Variants in VWA8 observed in about 807,000 individuals in gnomAD.
VWA8 encodes von Willebrand factor A domain containing 8.
Under a neutral mutation model 241.5 loss-of-function variants are expected in VWA8, and 221 were observed. That is an observed-to-expected ratio of 0.91 (90% CI 0.82 to 1.02). The LOEUF (loss-of-function observed/expected upper bound fraction) is 1.02, where lower values mean the gene tolerates loss of function less well. VWA8 is among the 50% of genes least tolerant of loss of function. The pLI is 0.00. For missense variants in VWA8, 2,322 were observed against 2,328.7 expected (o/e 1.00, Z 0.06); for synonymous variants, 852 against 827.1 (o/e 1.03, Z -0.52).
intron 41 of VWA8, among the ~76,000 whole-genome samples, chr13:41,589,473 G>T (rs996356454): frequency 6.6e-6 from 1 of 152,152 alleles, no homozygotes; most frequent in Non-Finnish European, 1.5e-5. Context: ...TGTCCTGGGA[G>T]TTGATCTGTG....
intron 8 of VWA8, among the ~76,000 whole-genome samples, chr13:41,884,594 A>G (rs1280521778): frequency 8.5e-5 from 13 of 152,128 alleles, no homozygotes; most frequent in Admixed American, 7.9e-4. Flanking sequence ...AAAAAAAGAA[A>G]AAAGCACATG....
intron 21 of VWA8, among the ~76,000 whole-genome samples, chr13:41,741,638 T>C (rs2045570383): frequency 6.6e-6 from 1 of 152,018 alleles, no homozygotes; most frequent in Non-Finnish European, 1.5e-5. Context: ...CCTTCAACAT[T>C]GTAGGCATGC....
intron 43 of VWA8, among the ~76,000 whole-genome samples, chr13:41,571,110 CG>C (rs1465112731): frequency 1.3e-5 from 2 of 152,140 alleles, no homozygotes; most frequent in Admixed American, 6.5e-5. Flanking sequence ...ATTGTACTCA[CG>C]TCAATAACGA....
intron 37 of VWA8, among the ~76,000 whole-genome samples, chr13:41,640,502 T>C: frequency 6.6e-6 from 1 of 152,174 alleles, no homozygotes; most frequent in Admixed American, 6.5e-5. Flanking sequence ...AGGAAATAAA[T>C]CAGTCTAGCA....
At chr13:41,701,792 T>A (rs986942151) in intron 27 of VWA8, among the ~76,000 whole-genome samples, 4 of 152,224 alleles carry the variant, frequency 2.6e-5, no homozygotes, top group Admixed American at 2.6e-4. Flanking sequence ...TAAAATCCTA[T>A]AGCATTTCTC....
At chr13:41,784,276 T>A (rs1305155403) in intron 18 of VWA8, among the ~76,000 whole-genome samples, 3 of 152,176 alleles carry the variant, frequency 2.0e-5, no homozygotes, top group Non-Finnish European at 4.4e-5. Context: ...TTGAATATTA[T>A]CTTTTAGTGT....
chr13:41,665,156 G>A lies in VWA8; in HGVS notation c.4611+5790C>T, dbSNP rs1324337103. On this transcript the variant is annotated intron_variant, in intron 37 of 44. Coordinates refer to ENST00000379310, the MANE Select transcript of VWA8 (RefSeq NM_015058.2). Reference sequence around the variant, plus strand: ...TAATATTAGGTATTTGAGTAATACTGTTTCATTTAAATTTGGCTTTGTCTC... The same window carrying A: ...TAATATTAGGTATTTGAGTAATACTATTTCATTTAAATTTGGCTTTGTCTC... Among the ~76,000 whole-genome samples the A allele has an allele frequency of 2.6e-5, 4 of 152,088 alleles. No individual in the cohort carries two copies. In the East Asian group the frequency reaches 7.7e-4, roughly 29 times the overall value.
intron 18 of VWA8, among the ~76,000 whole-genome samples, chr13:41,784,266 T>C (rs954575839): frequency 1.3e-5 from 2 of 152,166 alleles, no homozygotes; most frequent in Non-Finnish European, 2.9e-5. Flanking sequence ...CCAAAGTACC[T>C]TGAATATTAT....
intron 12 of VWA8, among the ~76,000 whole-genome samples, chr13:41,859,819 C>A (rs972362608): frequency 6.6e-6 from 1 of 152,116 alleles, no homozygotes; most frequent in African/African-American, 2.4e-5. Context: ...TAAAAATAAT[C>A]AAGTCTAAAA....
chr13:41,687,839 C>T (rs2137814017), intron 34 of VWA8, among the ~76,000 whole-genome samples: 1 of 152,190 alleles, frequency 6.6e-6, no homozygotes, highest in East Asian at 1.9e-4. Flanking sequence ...AGGGATATAG[C>T]TTTTAATTTA....
chr13:41,833,602 A>G (rs35383891), intron 12 of VWA8, 71 bp from the exon 13 acceptor site: 316,689 of 1,460,606 alleles, frequency 0.22, 37,115 homozygotes, highest in East Asian at 0.33. Context: ...GGTAGCTTAC[A>G]TGGCTTTATA....
At chr13:41,698,283 G>A (rs978901708) in intron 29 of VWA8, among the ~76,000 whole-genome samples, 8 of 151,810 alleles carry the variant, frequency 5.3e-5, no homozygotes, top group African/African-American at 1.9e-4. Flanking sequence ...GCTTAGTGTA[G>A]TACTTGGTAT....
chr13:41,607,640 G>A (rs1394374802), intron 39 of VWA8, among the ~76,000 whole-genome samples: 1 of 152,050 alleles, frequency 6.6e-6, no homozygotes, highest in East Asian at 1.9e-4. Flanking sequence ...CTGTCTGTGG[G>A]GTGGGGAGGG....
At chr13:41,758,293 A>T (rs1234205732) in intron 21 of VWA8, among the ~76,000 whole-genome samples, 1 of 148,238 alleles carries the variant, frequency 6.7e-6, no homozygotes, top group Admixed American at 6.8e-5. Flanking sequence ...CTGTTAAATT[A>T]ATTTATTCCT....
At chr13:41,573,474 T>TAAA (rs543021636) in intron 43 of VWA8, among the ~76,000 whole-genome samples, 1 of 126,726 alleles carries the variant, frequency 7.9e-6, no homozygotes, top group African/African-American at 3.4e-5. Context: ...GGCTATAGTT[T>TAAA]AAAAAAAAAA....
At chr13:41,668,228 T>G (rs1245591769) in intron 37 of VWA8, among the ~76,000 whole-genome samples, 1 of 152,180 alleles carries the variant, frequency 6.6e-6, no homozygotes, top group Non-Finnish European at 1.5e-5. Flanking sequence ...CCCTCACTGC[T>G]GACCTAAAGG....
chr13:41,825,753 C>T (rs1871147992), intron 14 of VWA8, among the ~76,000 whole-genome samples: 1 of 152,120 alleles, frequency 6.6e-6, no homozygotes. Flanking sequence ...TGCTAAAATT[C>T]AGTTCTGTGA....
chr13:41,625,967 C>A (rs1449464300), intron 37 of VWA8, among the ~76,000 whole-genome samples: 1 of 150,846 alleles, frequency 6.6e-6, no homozygotes, highest in Admixed American at 6.6e-5. Context: ...TCATTCTCAG[C>A]AAACTATCGC....
intron 19 of VWA8, among the ~76,000 whole-genome samples, chr13:41,779,942 C>G (rs1161153965): frequency 6.6e-6 from 1 of 152,194 alleles, no homozygotes; most frequent in African/African-American, 2.4e-5. Context: ...TTCTTAGCCT[C>G]TTGACCACTT....
Sources: gnomAD v4.1 joint callset for allele counts (sites outside exome capture counted in the v4.1 genomes callset) on GRCh38, gnomAD v4.1.1 for gene constraint, MANE v1.5 for transcripts, NCBI Gene and HGNC (gene_info 2026-07-23, HGNC 2026-07-21) for gene names.